BRINP3: variants seen among roughly 807,000 people sequenced by gnomAD.
BRINP3 encodes the protein BMP/retinoic acid-inducible neural-specific protein 3.
A neutral mutation model predicts 71.0 loss-of-function variants in BRINP3; 19 were observed. The observed-to-expected ratio is 0.27, with a 90% CI of 0.19 to 0.39. BRINP3 has a LOEUF of 0.39. BRINP3 is among the 10% of genes least tolerant of loss of function. The probability of loss-of-function intolerance (pLI) is 1.00; values close to 1 mark genes in which losing one functional copy is unlikely to be tolerated. For missense variants in BRINP3, 959 were observed against 940.8 expected, an observed-to-expected ratio of 1.02 and a Z score of -0.25; for synonymous variants, 380 against 337.7, an observed-to-expected ratio of 1.13 and a Z score of -1.37.
intron 2 of BRINP3, among the ~76,000 whole-genome samples, chr1:190,331,033 C>T (rs1666930058): frequency 6.6e-6 from 1 of 151,808 alleles, no homozygotes; most frequent in African/African-American, 2.4e-5. Context: ...AGCATCCGAA[C>T]TTCAGCATCA....
intron 2 of BRINP3, among the ~76,000 whole-genome samples, chr1:190,448,190 T>C (rs1675355303): frequency 6.6e-6 from 1 of 151,716 alleles, no homozygotes; most frequent in Non-Finnish European, 1.5e-5. Flanking sequence ...GAGCAAACAG[T>C]TTAATTGATT....
chr1:190,332,974 G>C (rs557254228), intron 2 of BRINP3, among the ~76,000 whole-genome samples: 1 of 151,000 alleles, frequency 6.6e-6, no homozygotes, highest in Admixed American at 6.6e-5. Flanking sequence ...CATCTGTTTT[G>C]CACTTAGAAT....
At chr1:190,432,144 T>A (rs751262607) in intron 2 of BRINP3, among the ~76,000 whole-genome samples, 6 of 152,162 alleles carry the variant, frequency 3.9e-5, no homozygotes, top group African/African-American at 1.4e-4. Flanking sequence ...TTATAAAACA[T>A]AATCTTTCTA....
At chr1:190,126,660 T>A (rs757659008) in intron 7 of BRINP3, among the ~76,000 whole-genome samples, 9 of 151,930 alleles carry the variant, frequency 5.9e-5, no homozygotes, top group Non-Finnish European at 1.3e-4. Context: ...TTTCATTGTC[T>A]TTGTTCAAAT....
chr1:190,438,621 AG>A (rs1187880735), intron 2 of BRINP3, among the ~76,000 whole-genome samples: 1 of 151,914 alleles, frequency 6.6e-6, no homozygotes, highest in Non-Finnish European at 1.5e-5. Flanking sequence ...ATTTTCACAA[AG>A]GTTCCCCCTT....
chr1:190,231,764 G>A (rs1424672626), intron 5 of BRINP3, among the ~76,000 whole-genome samples: 5 of 151,444 alleles, frequency 3.3e-5, no homozygotes, highest in African/African-American at 9.7e-5. Flanking sequence ...TCAGCAAAAC[G>A]AGATCTCAAA....
intron 6 of BRINP3, among the ~76,000 whole-genome samples, chr1:190,191,095 T>G (rs1653992788): frequency 1.3e-5 from 2 of 152,050 alleles, no homozygotes; most frequent in African/African-American, 4.8e-5. Context: ...AGAGGCAACC[T>G]CCCTCACTTG....
chr1:190,098,962 C>G lies in BRINP3; in HGVS notation c.1357G>C (p.Ala453Pro). 1 of 1,614,070 alleles carries G rather than the reference C, an allele frequency of 6.2e-7. No homozygotes were observed. Among genetic ancestry groups the G allele is most frequent in the Non-Finnish European group, 8.5e-7 (1 of 1,180,028 alleles). The change falls in exon 8 of 8, where the codon GCA (alanine) becomes CCA (proline). Residue 453 changes from alanine (A) to proline (P), a missense_variant. Coordinates refer to ENST00000367462, the MANE Select transcript of BRINP3 (RefSeq NM_199051.3). ...VGDASACLTC[A>P]PDNRTRCGTC... Reference sequence around the variant, plus strand: ...CCGCAGCGGGTGCGGTTGTCTGGTGCGCATGTCAGGCAGGCAGAGGCGTCT... The same window carrying G: ...CCGCAGCGGGTGCGGTTGTCTGGTGGGCATGTCAGGCAGGCAGAGGCGTCT...
chr1:190,263,543 A>G (rs1340700365), intron 4 of BRINP3, among the ~76,000 whole-genome samples: 1 of 151,522 alleles, frequency 6.6e-6, no homozygotes, highest in Non-Finnish European at 1.5e-5. Context: ...TCTTCCGAGC[A>G]TTCTAACCCA....
At chr1:190,440,456 A>G (rs1294069815) in intron 2 of BRINP3, among the ~76,000 whole-genome samples, 2 of 151,990 alleles carry the variant, frequency 1.3e-5, no homozygotes, top group East Asian at 1.9e-4. Context: ...TTTAATTTCT[A>G]TATACAGTGA....
chr1:190,470,623 AAT>A (rs1677073202), intron 1 of BRINP3, among the ~76,000 whole-genome samples: 2 of 151,164 alleles, frequency 1.3e-5, no homozygotes, highest in African/African-American at 4.8e-5. Flanking sequence ...ACAAATTATG[AAT>A]AGTGATTATT....
At chr1:190,467,728 A>T (rs1450786219) in intron 1 of BRINP3, among the ~76,000 whole-genome samples, 1 of 151,578 alleles carries the variant, frequency 6.6e-6, no homozygotes, top group Admixed American at 6.6e-5. Flanking sequence ...CAATACATTA[A>T]TTTAACTTCT....
chr1:190,366,767 ACAGTCCC>A (rs1419104379), intron 2 of BRINP3, among the ~76,000 whole-genome samples: 8 of 152,222 alleles, frequency 5.3e-5, no homozygotes, highest in African/African-American at 1.9e-4. Flanking sequence ...CAAAGGGGCT[ACAGTCCC>A]CATGCAAGTC....
In BRINP3 at chr1:190,261,317, C is replaced by T. The variant is rs576456681; in HGVS notation, c.618+3548G>A. 2.0e-5 allele frequency among the ~76,000 whole-genome samples: 3 copies of T among 152,102 alleles called. No individual in the cohort carries two copies. In the South Asian group the frequency reaches 6.2e-4, roughly 32 times the overall value. On this transcript the variant is annotated intron_variant, in intron 4 of 7. Coordinates refer to ENST00000367462, the MANE Select transcript of BRINP3 (RefSeq NM_199051.3). Reference sequence around the variant, plus strand: ...GACCAACTCTAGACATTACACTTCACATTTTATTGGACTACAAATAATATT... The same window carrying T: ...GACCAACTCTAGACATTACACTTCATATTTTATTGGACTACAAATAATATT...
chr1:190,430,309 C>A lies in BRINP3; in HGVS notation c.236+24346G>T, dbSNP rs114152121. Among the ~76,000 whole-genome samples, 784 of 152,218 alleles carry A rather than the reference C, an allele frequency of 5.2e-3. 6 individuals are homozygous for A. Among genetic ancestry groups the A allele is most frequent in the African/African-American group, 0.018 (736 of 41,536 alleles). On this transcript the variant is annotated intron_variant, in intron 2 of 7. Transcript: ENST00000367462. Reference sequence around the variant, plus strand: ...GCACAATGTGATTAAAAGAGAAAACCATGACATAGAGCTAATTGCTAATAC... The same window carrying A: ...GCACAATGTGATTAAAAGAGAAAACAATGACATAGAGCTAATTGCTAATAC...
At chr1:190,216,722 T>A (rs1656450458) in intron 6 of BRINP3, among the ~76,000 whole-genome samples, 1 of 151,850 alleles carries the variant, frequency 6.6e-6, no homozygotes, top group South Asian at 2.1e-4. Context: ...CAACAGAAAG[T>A]CATTTACAAA....
chr1:190,438,461 T>G (rs1674611485), intron 2 of BRINP3, among the ~76,000 whole-genome samples: 1 of 146,022 alleles, frequency 6.8e-6, no homozygotes, highest in African/African-American at 2.5e-5. Flanking sequence ...AATTGCATTT[T>G]CAAAAAAATT....
chr1:190,270,719 A>G (rs1571584254), intron 3 of BRINP3, among the ~76,000 whole-genome samples: 1 of 151,712 alleles, frequency 6.6e-6, no homozygotes, highest in Non-Finnish European at 1.5e-5. Context: ...GGTTTAAAAT[A>G]TATTGTTTTA....
chr1:190,449,179 T>G lies in BRINP3; in HGVS notation c.236+5476A>C, dbSNP rs189646596. On this transcript the variant is annotated intron_variant, in intron 2 of 7. Transcript: ENST00000367462. The stretch of plus-strand genomic sequence containing the variant: ...ATATTTACTATTTTTCACTAAACTC[T>G]GTGTGATAATTTTTAGTGTGAATGA... Among the ~76,000 whole-genome samples, 4 of 152,230 alleles carry G rather than the reference T, an allele frequency of 2.6e-5. No individual in the cohort carries two copies. The East Asian group carries it at 7.7e-4, about 29-fold the overall frequency.
Sources: allele counts gnomAD v4.1 joint callset (sites outside exome capture counted in the v4.1 genomes callset), GRCh38; gene constraint gnomAD v4.1.1; transcripts MANE v1.5; gene names NCBI Gene and HGNC (gene_info 2026-07-23, HGNC 2026-07-21).